Variants in ZNF385D observed in about 807,000 individuals in gnomAD.
The protein encoded by ZNF385D is zinc finger protein 659.
In ZNF385D, 15 loss-of-function variants were observed where a neutral mutation model predicts 35.8. The ratio of observed to expected loss-of-function variants is 0.42; its 90% CI spans 0.28 to 0.64. The LOEUF is 0.64. Among genes scored for constraint, ZNF385D ranks in the 30% least tolerant of loss-of-function variants. The probability of loss-of-function intolerance (pLI) is 0.23; values close to 1 mark genes in which losing one functional copy is unlikely to be tolerated. For synonymous variants in ZNF385D, 212 were observed against 186.8 expected (o/e 1.13, Z -1.10); for missense variants, 474 against 494.6 (o/e 0.96, Z 0.39).
Position 21,987,915 on chromosome 3 carries a change from C to A in ZNF385D, c.325+180902G>T, listed in dbSNP as rs897541012. Among the ~76,000 whole-genome samples, 11 of 145,758 alleles carry A rather than the reference C, an allele frequency of 7.5e-5. 1 individual carries two copies. The highest frequency in any genetic ancestry group is 1.5e-4 in the Non-Finnish European group (10 of 65,714). ...ACTTCCCTTCTCACTTCATTTCATT[C>A]ATTTCATCTTCCATTGCTGATACCC... On this transcript the variant is annotated intron_variant, in intron 3 of 5. Coordinates refer to the ZNF385D transcript ENST00000494108.
intron 3 of ZNF385D, among the ~76,000 whole-genome samples, chr3:21,882,778 G>T (rs1355953033): frequency 6.6e-6 from 1 of 152,022 alleles, no homozygotes; most frequent in Admixed American, 6.6e-5. Context: ...TACATGAGCA[G>T]TTGCAACACA....
chr3:22,304,295 A>G, intron 2 of ZNF385D, among the ~76,000 whole-genome samples: 1 of 152,296 alleles, frequency 6.6e-6, no homozygotes, highest in East Asian at 1.9e-4. Flanking sequence ...GATTTAATAG[A>G]TATGTTGAAG....
At chr3:21,706,252 T>G (rs1452849818) in intron 1 of ZNF385D, among the ~76,000 whole-genome samples, 1 of 152,098 alleles carries the variant, frequency 6.6e-6, no homozygotes, top group Non-Finnish European at 1.5e-5. Context: ...AATTTGTCCT[T>G]ATCATGCAAT....
At chr3:21,930,305 T>C (rs749296625) in intron 3 of ZNF385D, among the ~76,000 whole-genome samples, 8 of 148,202 alleles carry the variant, frequency 5.4e-5, no homozygotes, top group African/African-American at 1.2e-4. Context: ...AAACGGATCA[T>C]AGATTTAAAC....
rs553568545 is a variant in ZNF385D, at chr3:21,810,967, T to C, written c.326-145939A>G. 3.2e-3 allele frequency among the ~76,000 whole-genome samples: 373 copies of C among 118,228 alleles called. 4 individuals are homozygous for C. Among genetic ancestry groups the C allele is most frequent in the African/African-American group, 0.011 (355 of 31,206 alleles). 77.6% of individuals were successfully genotyped at this position (118,228 alleles called of 152,430 possible). On this transcript the variant is annotated intron_variant, in intron 3 of 5. Coordinates refer to the ZNF385D transcript ENST00000494108. Reference sequence around the variant, plus strand: ...TCACACACACACACATATGTGTGTGTATACGTGTGTGTGTGTGTGTGTGTG... The same window carrying C: ...TCACACACACACACATATGTGTGTGCATACGTGTGTGTGTGTGTGTGTGTG...
At chr3:21,444,195 T>C (rs1231914649) in intron 4 of ZNF385D, among the ~76,000 whole-genome samples, 1 of 150,800 alleles carries the variant, frequency 6.6e-6, no homozygotes, top group East Asian at 2.0e-4. Flanking sequence ...TTCTCCTGCC[T>C]CAGCCTCCTG....
At chr3:21,850,629 C>T (rs189893021) in intron 3 of ZNF385D, among the ~76,000 whole-genome samples, 57 of 152,208 alleles carry the variant, frequency 3.7e-4, no homozygotes, top group Middle Eastern at 3.4e-3. Context: ...GGAGACAGGA[C>T]AAGTATCCGG....
intron 3 of ZNF385D, among the ~76,000 whole-genome samples, chr3:21,946,788 C>T (rs1354933118): frequency 6.6e-6 from 1 of 152,122 alleles, no homozygotes; most frequent in South Asian, 2.1e-4. Context: ...GCCGAAATTG[C>T]GCTACTGCAC....
intron 3 of ZNF385D, among the ~76,000 whole-genome samples, chr3:21,524,687 A>C (rs1156773363): frequency 6.6e-6 from 1 of 152,178 alleles, no homozygotes; most frequent in Admixed American, 6.5e-5. Flanking sequence ...CAACTATAGA[A>C]GGCTACAGTG....
At chr3:22,173,665 T>C (rs920473079) in intron 2 of ZNF385D, among the ~76,000 whole-genome samples, 2 of 152,134 alleles carry the variant, frequency 1.3e-5, no homozygotes, top group African/African-American at 4.8e-5. Context: ...GAGGGAAACA[T>C]TCACTGCTTC....
intron 3 of ZNF385D, among the ~76,000 whole-genome samples, chr3:21,983,863 G>C (rs1296255790): frequency 8.5e-6 from 1 of 118,308 alleles, no homozygotes; most frequent in Non-Finnish European, 1.7e-5. Flanking sequence ...CATTCTAACT[G>C]GTGTGAGATG....
At chr3:21,845,641 A>T (rs1201544653) in intron 3 of ZNF385D, among the ~76,000 whole-genome samples, 2 of 151,952 alleles carry the variant, frequency 1.3e-5, no homozygotes, top group Non-Finnish European at 2.9e-5. Context: ...GTTCTTTCTG[A>T]TGTATAAATA....
At chr3:21,468,985 C>T (rs2125336381) in intron 4 of ZNF385D, among the ~76,000 whole-genome samples, 1 of 151,706 alleles carries the variant, frequency 6.6e-6, no homozygotes, top group Admixed American at 6.6e-5. Flanking sequence ...AAAGGAAAAA[C>T]AAAGGTACTG....
intron 1 of ZNF385D, among the ~76,000 whole-genome samples, chr3:21,720,235 G>A (rs945095344): frequency 6.6e-6 from 1 of 152,162 alleles, no homozygotes; most frequent in African/African-American, 2.4e-5. Flanking sequence ...CCCTAGACCA[G>A]CAGCATCGTC....
At position 22,107,026 on chromosome 3, in the gene ZNF385D, G is replaced by GTTTTTTTTTTTTTTTTT. The variant is rs10676871; in HGVS notation, c.325+61790_325+61791insAAAAAAAAAAAAAAAAA. On this transcript the variant is annotated intron_variant, in intron 3 of 5. Coordinates refer to the ZNF385D transcript ENST00000494108. ...TTTATGCAAAAACTTTGGAATGAGA[G>GTTTTTTTTTTTTTTTTT]TTTTTTTTTTTTTTTTAGACAGAGT... Among the ~76,000 whole-genome samples the GTTTTTTTTTTTTTTTTT allele has an allele frequency of 5.8e-4, 69 of 118,816 alleles. 5 individuals carry two copies. The highest frequency in any genetic ancestry group is 4.6e-3 in the South Asian group (16 of 3,446). 77.9% of individuals were successfully genotyped at this position (118,816 alleles called of 152,430 possible).
intron 4 of ZNF385D, among the ~76,000 whole-genome samples, chr3:21,454,073 T>C (rs1049046944): frequency 6.6e-6 from 1 of 152,076 alleles, no homozygotes; most frequent in Admixed American, 6.6e-5. Flanking sequence ...GAAAGCACTA[T>C]GCCAAATGAA....
chr3:21,589,889 T>G (rs562591324), intron 2 of ZNF385D, among the ~76,000 whole-genome samples: 1 of 152,258 alleles, frequency 6.6e-6, no homozygotes, highest in East Asian at 1.9e-4. Flanking sequence ...CTTATACATC[T>G]AGGTGGGAGT....
chr3:22,123,860 C>A (rs1576358734), intron 3 of ZNF385D, among the ~76,000 whole-genome samples: 1 of 144,360 alleles, frequency 6.9e-6, no homozygotes, highest in East Asian at 2.0e-4. Flanking sequence ...AAAATTCTGT[C>A]TCAGAAAAAC....
At chr3:22,173,388 T>C (rs946859460) in intron 2 of ZNF385D, among the ~76,000 whole-genome samples, 7 of 152,152 alleles carry the variant, frequency 4.6e-5, no homozygotes, top group African/African-American at 1.4e-4. Flanking sequence ...ATATCGACAA[T>C]AGAGAAAATT....
Sources: gnomAD v4.1 joint callset for allele counts (sites outside exome capture counted in the v4.1 genomes callset) on GRCh38, gnomAD v4.1.1 for gene constraint, MANE v1.5 for transcripts, NCBI Gene and HGNC (gene_info 2026-07-23, HGNC 2026-07-21) for gene names.